L3MBTL3: variants seen among roughly 807,000 people sequenced by gnomAD.
The protein encoded by L3MBTL3 is lethal(3)malignant brain tumor-like protein 3.
L3MBTL3 carries 27 observed loss-of-function variants against 102.3 expected under a neutral mutation model. That is an observed-to-expected ratio of 0.26 (90% confidence interval 0.19 to 0.36). The LOEUF (loss-of-function observed/expected upper bound fraction) is 0.36, where lower values mean the gene tolerates loss of function less well. Among genes scored for constraint, L3MBTL3 ranks in the 10% least tolerant of loss-of-function variants. The pLI, the probability that L3MBTL3 is intolerant of heterozygous loss-of-function variation, is 1.00. For synonymous variants in L3MBTL3, 340 were observed against 320.9 expected, an observed-to-expected ratio of 1.06 and a Z score of -0.64; for missense variants, 798 against 955.3, an observed-to-expected ratio of 0.84 and a Z score of 2.17.
At chr6:130,026,881 T>G (rs1463170922) in intron 2 of L3MBTL3, among the ~76,000 whole-genome samples, 1 of 152,110 alleles carries the variant, frequency 6.6e-6, no homozygotes, top group Non-Finnish European at 1.5e-5. Flanking sequence ...TGAAATTTAC[T>G]CTAAAGCCAG....
chr6:130,101,426 T>A (rs1026480292), intron 18 of L3MBTL3, among the ~76,000 whole-genome samples: 1 of 152,220 alleles, frequency 6.6e-6, no homozygotes, highest in African/African-American at 2.4e-5. Context: ...GTCTGACACC[T>A]CCTACTAGGG....
intron 18 of L3MBTL3, among the ~76,000 whole-genome samples, chr6:130,094,585 G>C (rs1056516337): frequency 4.6e-5 from 7 of 152,096 alleles, no homozygotes; most frequent in African/African-American, 1.7e-4. Context: ...ATTTACTCTA[G>C]CTTTTTGGCT....
intron 19 of L3MBTL3, among the ~76,000 whole-genome samples, chr6:130,108,734 T>G (rs751354226): frequency 6.6e-6 from 1 of 152,086 alleles, no homozygotes; most frequent in Non-Finnish European, 1.5e-5. Context: ...ATGTGCAGAA[T>G]GTGCAGGTTT....
chr6:130,131,582 A>G (rs1239604489), intron 20 of L3MBTL3, among the ~76,000 whole-genome samples: 1 of 152,160 alleles, frequency 6.6e-6, no homozygotes, highest in Non-Finnish European at 1.5e-5. Flanking sequence ...CGCAAGAAAG[A>G]ATTTGGGGCA....
intron 20 of L3MBTL3, among the ~76,000 whole-genome samples, chr6:130,123,171 T>C (rs9321211): frequency 0.25 from 37,662 of 152,158 alleles, 5,608 homozygotes; most frequent in Non-Finnish European, 0.34. Context: ...AATGGAGAAT[T>C]TCCAGTTTAT....
intron 15 of L3MBTL3, among the ~76,000 whole-genome samples, chr6:130,085,806 G>T (rs1175091208): frequency 6.6e-6 from 1 of 151,722 alleles, no homozygotes; most frequent in Non-Finnish European, 1.5e-5. Context: ...GCCCAGGCTG[G>T]AGTGCAGTGG....
intron 19 of L3MBTL3, among the ~76,000 whole-genome samples, chr6:130,116,418 C>T (rs1041542849): frequency 1.7e-5 from 2 of 117,750 alleles, no homozygotes; most frequent in African/African-American, 5.0e-5. Flanking sequence ...CTCTTCACTT[C>T]CTAAGATCAT....
At chr6:130,072,362 AT>A in intron 13 of L3MBTL3, among the ~76,000 whole-genome samples, 1 of 152,326 alleles carries the variant, frequency 6.6e-6, no homozygotes, top group African/African-American at 2.4e-5. Flanking sequence ...TTACTATGCC[AT>A]TTTGTAAAAG....
intron 14 of L3MBTL3, among the ~76,000 whole-genome samples, chr6:130,081,866 C>G (rs546863695): frequency 2.8e-4 from 42 of 152,278 alleles, no homozygotes; most frequent in African/African-American, 9.9e-4. Context: ...TTATTCCTAG[C>G]AAAAGGATCT....
chr6:130,115,346 G>A lies in L3MBTL3; in HGVS notation c.1887-5533G>A, dbSNP rs1013229242. ...TCAATCCGAGCTTCCTAACCTGGTT[G>A]GCAAATATTTCAATCTACATGGCAA... On this transcript the variant is annotated intron_variant, in intron 19 of 22. Coordinates refer to ENST00000361794, the MANE Select transcript of L3MBTL3 (RefSeq NM_032438.4). Among the ~76,000 whole-genome samples the A allele has an allele frequency of 2.6e-5, 4 of 152,140 alleles. No homozygotes were observed. The East Asian group carries it at 5.8e-4, about 22-fold the overall frequency.
chr6:130,102,102 A>G (rs530439108), intron 18 of L3MBTL3, among the ~76,000 whole-genome samples: 97 of 128,638 alleles, frequency 7.5e-4, no homozygotes, highest in East Asian at 3.0e-3. Context: ...TCTCAGGGGG[A>G]AAAAAAAAAG....
At chr6:130,087,126 TA>T (rs1250565598) in intron 16 of L3MBTL3, among the ~76,000 whole-genome samples, 3 of 152,140 alleles carry the variant, frequency 2.0e-5, no homozygotes, top group Admixed American at 6.5e-5. Flanking sequence ...ATGCCCTTTT[TA>T]AAAAAATTAC....
At chr6:130,084,783 A>T (rs1420661642) in intron 15 of L3MBTL3, among the ~76,000 whole-genome samples, 1 of 152,210 alleles carries the variant, frequency 6.6e-6, no homozygotes, top group African/African-American at 2.4e-5. Flanking sequence ...GGTGTCTTGC[A>T]TTGACTGCTC....
rs145934291 is a variant in L3MBTL3 at position 130,071,207 on chromosome 6, G to A, written c.1244+80G>A. On this transcript the variant is annotated intron_variant, in intron 13 of 22. Transcript: ENST00000361794. ...GGTTTGAAAACAGTAATAGTGCAAC[G>A]CTTATAACAAAAAAAAGCAGTGTTC... 132 of 1,243,782 alleles carry A rather than the reference G, an allele frequency of 1.1e-4. No individual in the cohort carries two copies. The African/African-American group carries it at 1.6e-3, about 15-fold the overall frequency. The allele number at this position is 1,243,782 out of a possible 1,614,324, so 77.0% of individuals were successfully genotyped here.
At chr6:130,136,833 G>T (rs575650123) in intron 22 of L3MBTL3, among the ~76,000 whole-genome samples, 4 of 152,156 alleles carry the variant, frequency 2.6e-5, no homozygotes, top group African/African-American at 9.6e-5. Flanking sequence ...GGCCACACTG[G>T]TCTTGAACTC....
chr6:130,121,840 G>A (rs1011561095), intron 20 of L3MBTL3, among the ~76,000 whole-genome samples: 1 of 152,190 alleles, frequency 6.6e-6, no homozygotes, highest in Non-Finnish European at 1.5e-5. Flanking sequence ...GAGGTCAGGA[G>A]TTTGAGACCA....
chr6:130,107,236 C>T (rs906112955), intron 19 of L3MBTL3, among the ~76,000 whole-genome samples: 3 of 151,978 alleles, frequency 2.0e-5, no homozygotes, highest in Non-Finnish European at 4.4e-5. Context: ...ACTTTCTGTA[C>T]CAGGTTTGGC....
Position 130,086,160 on chromosome 6 carries a change from G to GAA in L3MBTL3, c.1434_1435dup (p.Met479LysfsTer2). 1 of 1,612,204 alleles carries GAA rather than the reference G, an allele frequency of 6.2e-7. No individual in the cohort carries two copies. Among genetic ancestry groups the GAA allele is most frequent in the Non-Finnish European group, 8.5e-7 (1 of 1,179,286 alleles). ...GGCAGAAACCTCCTCATGGATTCCA[G>GAA]AAAAAAATGAAGCTTGAGGTTGTAG... On this transcript the variant is annotated frameshift_variant, in exon 16 of 23. Coordinates refer to ENST00000361794, the MANE Select transcript of L3MBTL3 (RefSeq NM_032438.4). LOFTEE classifies it high-confidence loss of function.
chr6:130,087,969 A>G (rs781193584), intron 16 of L3MBTL3, among the ~76,000 whole-genome samples: 3 of 152,124 alleles, frequency 2.0e-5, no homozygotes, highest in African/African-American at 2.4e-5. Flanking sequence ...AGTTTCTGGA[A>G]TATATATTAC....
Sources: gnomAD v4.1 joint callset for allele counts (sites outside exome capture counted in the v4.1 genomes callset) on GRCh38, gnomAD v4.1.1 for gene constraint, MANE v1.5 for transcripts, NCBI Gene and HGNC (gene_info 2026-07-23, HGNC 2026-07-21) for gene names.